The following PRKG1 variants were observed in gnomAD, a reference collection of about 807,000 sequenced individuals.
The protein encoded by PRKG1 is protein kinase cGMP-dependent 1.
PRKG1 carries 35 observed loss-of-function variants against 88.1 expected under a neutral mutation model. The ratio of observed to expected loss-of-function variants is 0.40; its 90% confidence interval spans 0.30 to 0.53. The LOEUF is 0.53. Ranked by LOEUF, PRKG1 falls within the 20% of genes least tolerant of loss-of-function variation. PRKG1 has a pLI of 0.59. For missense variants in PRKG1, 540 were observed against 839.8 expected (o/e 0.64, Z 4.41); for synonymous variants, 303 against 292.5 (o/e 1.04, Z -0.37).
intron 2 of PRKG1, among the ~76,000 whole-genome samples, chr10:51,217,914 C>T (rs576531338): frequency 1.3e-5 from 2 of 152,216 alleles, no homozygotes; most frequent in African/African-American, 2.4e-5. Context: ...TAACAAATTC[C>T]TCCTTTCTTT....
intron 7 of PRKG1, among the ~76,000 whole-genome samples, chr10:52,117,816 G>A (rs928317088): frequency 1.3e-5 from 2 of 152,020 alleles, no homozygotes; most frequent in Middle Eastern, 3.4e-3. Context: ...GTGTGCATAT[G>A]TGTTTTACAA....
At chr10:51,141,638 A>G (rs1845822029) in intron 1 of PRKG1, among the ~76,000 whole-genome samples, 1 of 152,208 alleles carries the variant, frequency 6.6e-6, no homozygotes, top group Non-Finnish European at 1.5e-5. Context: ...GACATATGGT[A>G]CATGATAAAT....
chr10:51,948,560 G>C (rs1284914401), intron 5 of PRKG1, among the ~76,000 whole-genome samples: 1 of 146,214 alleles, frequency 6.8e-6, no homozygotes, highest in African/African-American at 2.6e-5. Context: ...GTGTGTGTGT[G>C]TGTAATTTGA....
intron 2 of PRKG1, among the ~76,000 whole-genome samples, chr10:51,219,464 C>T (rs943737331): frequency 7.2e-5 from 11 of 151,968 alleles, no homozygotes; most frequent in Non-Finnish European, 1.6e-4. Context: ...AATCCCAGCA[C>T]TTCGGGAGGC....
At chr10:51,411,703 T>C (rs1838094206) in intron 2 of PRKG1, among the ~76,000 whole-genome samples, 1 of 152,202 alleles carries the variant, frequency 6.6e-6, no homozygotes, top group Non-Finnish European at 1.5e-5. Context: ...CTTTAGACTC[T>C]GATCAAAATT....
intron 3 of PRKG1, among the ~76,000 whole-genome samples, chr10:51,506,640 A>T (rs990106480): frequency 3.9e-5 from 6 of 152,198 alleles, no homozygotes; most frequent in African/African-American, 1.4e-4. Context: ...ATCATTAAAA[A>T]GTCAGGAAAC....
intron 2 of PRKG1, among the ~76,000 whole-genome samples, chr10:51,334,152 TTCTCTCTCTCTC>T (rs10568175): frequency 0.015 from 2,108 of 137,126 alleles, 15 homozygotes; most frequent in South Asian, 0.025. Flanking sequence ...CTCTCTCTCT[TTCTCTCTCTCTC>T]TCTCTCTCTC....
At chr10:51,116,632 G>C (rs1845129214) in intron 1 of PRKG1, among the ~76,000 whole-genome samples, 1 of 152,212 alleles carries the variant, frequency 6.6e-6, no homozygotes, top group Admixed American at 6.5e-5. Context: ...TGAATTCTGA[G>C]CTAGATTTGG....
At chr10:51,393,037 G>T (rs888168119) in intron 2 of PRKG1, among the ~76,000 whole-genome samples, 1 of 147,124 alleles carries the variant, frequency 6.8e-6, no homozygotes, top group African/African-American at 2.5e-5. Flanking sequence ...TGGTTGCCGG[G>T]CGGAGGGGCT....
chr10:51,949,665 T>A (rs1404535632), intron 5 of PRKG1, among the ~76,000 whole-genome samples: 1 of 152,102 alleles, frequency 6.6e-6, no homozygotes, highest in Non-Finnish European at 1.5e-5. Flanking sequence ...TATTGAGAAC[T>A]TCTTGCTTCC....
At chr10:51,803,005 AC>A (rs1365377783) in intron 3 of PRKG1, among the ~76,000 whole-genome samples, 1 of 151,780 alleles carries the variant, frequency 6.6e-6, no homozygotes, top group African/African-American at 2.4e-5. Context: ...CCACCCAGTT[AC>A]TCTTTGCCCA....
chr10:51,747,011 A>G (rs761385327), intron 3 of PRKG1, among the ~76,000 whole-genome samples: 3 of 152,220 alleles, frequency 2.0e-5, no homozygotes, highest in Non-Finnish European at 4.4e-5. Flanking sequence ...TTCTTGATTC[A>G]CACCAATCAC....
At chr10:51,230,713 A>G (rs926432791) in intron 2 of PRKG1, among the ~76,000 whole-genome samples, 2 of 152,108 alleles carry the variant, frequency 1.3e-5, no homozygotes, top group Non-Finnish European at 2.9e-5. Flanking sequence ...TCTCTAAATT[A>G]CTTATAATAA....
intron 3 of PRKG1, among the ~76,000 whole-genome samples, chr10:51,538,102 C>T (rs1185575923): frequency 6.6e-6 from 1 of 152,094 alleles, no homozygotes; most frequent in Admixed American, 6.6e-5. Context: ...TTCCCTAGTC[C>T]AAGGCCCATT....
chr10:52,131,496 T>C (rs1371772167), intron 7 of PRKG1, among the ~76,000 whole-genome samples: 2 of 151,980 alleles, frequency 1.3e-5, no homozygotes, highest in East Asian at 3.9e-4. Flanking sequence ...AGGAACTTCC[T>C]AGGCCTATGG....
chr10:52,252,018 A>T (rs1458517825), intron 10 of PRKG1: 1 of 164,710 alleles, frequency 6.1e-6, no homozygotes, highest in African/African-American at 2.4e-5. Context: ...ACTAACAATT[A>T]TGCACCCTAA....
intron 3 of PRKG1, among the ~76,000 whole-genome samples, chr10:51,577,394 C>G (rs1344654715): frequency 6.6e-6 from 1 of 151,980 alleles, no homozygotes; most frequent in Admixed American, 6.6e-5. Context: ...AACTATATTA[C>G]TTTATTTTGC....
chr10:51,943,901 T>C (rs11594339), intron 5 of PRKG1, among the ~76,000 whole-genome samples: 17,052 of 152,070 alleles, frequency 0.11, 1,243 homozygotes, highest in East Asian at 0.35. Context: ...TCAAGGATAT[T>C]GGTCTAAAAT....
At chr10:51,410,079 C>G (rs920859253) in intron 2 of PRKG1, among the ~76,000 whole-genome samples, 3 of 151,796 alleles carry the variant, frequency 2.0e-5, no homozygotes, top group African/African-American at 7.3e-5. Flanking sequence ...AGAAACTTTT[C>G]CTGTTCTGAC....
Sources: allele counts gnomAD v4.1 joint callset (sites outside exome capture counted in the v4.1 genomes callset), GRCh38; gene constraint gnomAD v4.1.1; transcripts MANE v1.5; gene names NCBI Gene and HGNC (gene_info 2026-07-23, HGNC 2026-07-21).